Variants in HMCN2 observed in about 807,000 individuals in gnomAD.
HMCN2 encodes the protein hemicentin-2.
Under a neutral mutation model 377.5 loss-of-function variants are expected in HMCN2, and 325 were observed. The observed-to-expected ratio is 0.86, with a 90% CI of 0.79 to 0.94. HMCN2 has a LOEUF of 0.94. HMCN2 is among the 40% of genes least tolerant of loss of function. The pLI is 0.00. For missense variants in HMCN2, 4,543 were observed against 4,725.3 expected, an observed-to-expected ratio of 0.96 and a Z score of 1.13; for synonymous variants, 2,007 against 2,046.8, an observed-to-expected ratio of 0.98 and a Z score of 0.53.
intron 36 of HMCN2, 40 bp from the exon 37 acceptor site, chr9:130,359,279 T>C (rs1840227810): frequency 8.7e-7 from 1 of 1,153,058 alleles, no homozygotes; most frequent in Admixed American, 2.3e-5. Context: ...TGCCCAGAGC[T>C]TGCACCTACC....
Position 130,306,720 on chromosome 9 carries a change from C to T in HMCN2, c.1959-91C>T, listed in dbSNP as rs116725521. The T allele has an allele frequency of 5.9e-3, 2,452 of 414,970 alleles. 40 individuals are homozygous for T. The highest frequency in any genetic ancestry group is 0.046 in the African/African-American group (2,273 of 49,134). The allele number at this position is 414,970 out of a possible 1,614,324, so 25.7% of individuals were successfully genotyped here. ...CAAGCCATCAGTACAGAATGGTCGT[C>T]GCTAGTGGCATTGTTAGTGAATTTG... On this transcript the variant is annotated intron_variant, in intron 12 of 97. Coordinates refer to ENST00000683500, the MANE Select transcript of HMCN2 (RefSeq NM_001291815.2).
rs1844658827 is a variant in HMCN2, at chr9:130,430,310, A to G, written c.14353A>G (p.Lys4785Glu). The change falls in exon 95 of 98, where the codon AAG becomes GAG. Residue 4785 changes from lysine to glutamate, a missense_variant. Physicochemically the swap from Lys to Glu is moderately conservative, Grantham distance 56 (BLOSUM62 1). This residue lies in a region of HMCN2 where 1,155 missense variants were observed against 1,157.7 expected (regional missense o/e 1.00). Coordinates refer to ENST00000683500, the MANE Select transcript of HMCN2 (RefSeq NM_001291815.2). The stretch of plus-strand genomic sequence containing the variant: ...TGTCAATGAGTGCCTGCAGCTGCCC[A>G]AGGCCTGCGCCTACCAGTGCCACAA... ...LDVNECLQLP[K>E]ACAYQCHNLQ... The G allele has an allele frequency of 1.9e-6, 3 of 1,543,008 alleles. No homozygotes were observed. The highest frequency in any genetic ancestry group is 2.6e-6 in the Non-Finnish European group (3 of 1,146,632).
chr9:130,334,204 G>A (rs1425642096), intron 22 of HMCN2, among the ~76,000 whole-genome samples: 1 of 152,222 alleles, frequency 6.6e-6, no homozygotes, highest in Non-Finnish European at 1.5e-5. Context: ...GAGGAACGGT[G>A]GTCCAGTGCC....
rs370781496 is a variant in HMCN2, at chr9:130,370,966, C to T, written c.7072C>T (p.Pro2358Ser). ...TGTGGCTTCTTCTTTGTGTCCAGTGCCCCCAGAGCTCATTGGAGACTTGGA... is the reference window on the plus strand; with the variant it reads ...TGTGGCTTCTTCTTTGTGTCCAGTGTCCCCAGAGCTCATTGGAGACTTGGA... Reference protein sequence around the residue: ...ERKFELSVLVPPELIGDLDPL... With the variant: ...ERKFELSVLVSPELIGDLDPL... Residue 2358 changes from proline (P) to serine (S), a missense_variant and splice_region_variant, in exon 46 of 98, where the codon CCC becomes TCC. Physicochemically the swap from Pro to Ser is moderately conservative, Grantham distance 74 (BLOSUM62 -1). Transcript: ENST00000683500. The T allele has an allele frequency of 1.2e-3, 1,155 of 986,074 alleles. 43 individuals carry two copies. In the South Asian group the frequency reaches 0.049, roughly 42 times the overall value. The allele number at this position is 986,074 out of a possible 1,614,324, so 61.1% of individuals were successfully genotyped here.
chr9:130,316,509 C>G (rs1189819882), intron 15 of HMCN2, among the ~76,000 whole-genome samples: 22 of 152,224 alleles, frequency 1.4e-4, no homozygotes, highest in African/African-American at 5.3e-4. Flanking sequence ...GGTGGCAGGC[C>G]CCTTTCACCA....
intron 95 of HMCN2, 23 bp from the exon 96 acceptor site, chr9:130,431,344 C>T (rs1297872349): frequency 2.0e-6 from 3 of 1,537,596 alleles, no homozygotes; most frequent in Non-Finnish European, 2.6e-6. Context: ...CCCCCACCTG[C>T]CCCACCCCCA....
chr9:130,427,460 C>T, intron 91 of HMCN2, 37 bp from the exon 92 acceptor site: 1 of 1,550,308 alleles, frequency 6.5e-7, no homozygotes, highest in Non-Finnish European at 8.7e-7. Context: ...GCAGGAGGGC[C>T]TGGGAGCGGA....
At chr9:130,389,438 T>C (rs1338620482) in intron 62 of HMCN2, among the ~76,000 whole-genome samples, 1 of 152,146 alleles carries the variant, frequency 6.6e-6, no homozygotes, top group Non-Finnish European at 1.5e-5. Context: ...ACAAATCTGC[T>C]TTCTGTCTCT....
rs1397971725 is a variant in HMCN2, at chr9:130,360,034, A to G, written c.5774-394A>G. Among the ~76,000 whole-genome samples, 3 of 151,892 alleles carry G rather than the reference A, an allele frequency of 2.0e-5. No individual in the cohort carries two copies. The highest frequency in any genetic ancestry group is 4.4e-5 in the Non-Finnish European group (3 of 67,950). ...CATGTTCTCTAATGCCCCCTAGGGG[A>G]CGGGGTCTTCTGGTAGGGGGAGGGC... On this transcript the variant is annotated intron_variant, in intron 37 of 97. Coordinates refer to ENST00000683500, the MANE Select transcript of HMCN2 (RefSeq NM_001291815.2). This position sits in a 1 kb window ranked among gnomAD's most constrained non-coding sequence, Gnocchi z 4.7.
intron 1 of HMCN2, among the ~76,000 whole-genome samples, chr9:130,268,492 G>T (rs1474363449): frequency 1.3e-5 from 2 of 149,208 alleles, no homozygotes; most frequent in Non-Finnish European, 3.0e-5. Context: ...AGCCCTCTGG[G>T]ACAGGCCAGG....
chr9:130,431,548 G>A lies in HMCN2; in HGVS notation c.14767+62G>A, dbSNP rs370240514. On this transcript the variant is annotated intron_variant, in intron 96 of 97. Coordinates refer to ENST00000683500, the MANE Select transcript of HMCN2 (RefSeq NM_001291815.2). ...GGGCTAGGGCAGGCAGCGTGGGATG[G>A]GACATGTGGCATCTTACCTACTCCG... The A allele has an allele frequency of 2.6e-6, 4 of 1,524,460 alleles. No homozygotes were observed. In the African/African-American group the frequency reaches 4.1e-5, roughly 16 times the overall value. 94.4% of individuals were successfully genotyped at this position (1,524,460 alleles called of 1,614,324 possible).
intron 1 of HMCN2, among the ~76,000 whole-genome samples, chr9:130,268,411 A>G (rs1224326661): frequency 6.7e-6 from 1 of 150,122 alleles, no homozygotes; most frequent in Non-Finnish European, 1.5e-5. Context: ...AGCACCATGG[A>G]GCCCTTGATC....
At chr9:130,292,969 T>TCTATCTATCTATCTAC (rs1835869658) in intron 4 of HMCN2, among the ~76,000 whole-genome samples, 1 of 127,918 alleles carries the variant, frequency 7.8e-6, no homozygotes, top group Admixed American at 8.4e-5. Flanking sequence ...TATCTATCTA[T>TCTATCTATCTATCTAC]CTATCTATCT....
rs1842431023 is a variant in HMCN2, at chr9:130,393,324, G to C, written c.10234+15G>C. On this transcript the variant is annotated intron_variant, in intron 67 of 97. Transcript: ENST00000683500. This position sits in a 1 kb window ranked among gnomAD's most constrained non-coding sequence, Gnocchi z 5.2. ...GCAGGTGCAGGGTATGGAGCAGGGG[G>C]TGGGGCAAGGGGGTCTCTGGCCTTG... The C allele has an allele frequency of 9.1e-6, 9 of 990,546 alleles. No individual in the cohort carries two copies. Among genetic ancestry groups the C allele is most frequent in the Non-Finnish European group, 1.1e-5 (9 of 831,450 alleles). The allele number at this position is 990,546 out of a possible 1,614,324, so 61.4% of individuals were successfully genotyped here. A position where few individuals can be genotyped will look rare whatever the true frequency, so the allele number is the denominator to read the frequency against.
intron 4 of HMCN2, among the ~76,000 whole-genome samples, 167 bp downstream of exon 4, chr9:130,286,477 A>C (rs1362327680): frequency 6.6e-6 from 1 of 152,224 alleles, no homozygotes; most frequent in Non-Finnish European, 1.5e-5. Context: ...CAGGCACAGG[A>C]CGCGCTGTGC....
chr9:130,409,779 G>A lies in HMCN2; in HGVS notation c.12880-792G>A, dbSNP rs191719818. 2.0e-3 allele frequency among the ~76,000 whole-genome samples: 302 copies of A among 152,318 alleles called. 3 individuals are homozygous for A. Among genetic ancestry groups the A allele is most frequent in the Non-Finnish European group, 3.0e-3 (205 of 68,024 alleles). The stretch of plus-strand genomic sequence containing the variant: ...ATGGGCTGAGGGCAGTAAGCAGTGG[G>A]GCTGGGATTCAGTCCCATGTTGGTC... On this transcript the variant is annotated intron_variant, in intron 84 of 97. Transcript: ENST00000683500.
At position 130,429,537 on chromosome 9, in the gene HMCN2, A is replaced by T; in HGVS notation, c.14198-20A>T. On this transcript the variant is annotated intron_variant, in intron 93 of 97. Coordinates refer to ENST00000683500, the MANE Select transcript of HMCN2 (RefSeq NM_001291815.2). ...CCTGGGCTAGACCTCCCCACCACCGACCATGCCCCTGCCTCCCAGATGTGG... is the reference window on the plus strand; with the variant it reads ...CCTGGGCTAGACCTCCCCACCACCGTCCATGCCCCTGCCTCCCAGATGTGG... 1 of 1,550,048 alleles carries T rather than the reference A, an allele frequency of 6.5e-7. No individual in the cohort carries two copies. The highest frequency in any genetic ancestry group is 8.7e-7 in the Non-Finnish European group (1 of 1,146,726).
intron 1 of HMCN2, among the ~76,000 whole-genome samples, chr9:130,273,073 A>T (rs534425885): frequency 6.6e-6 from 1 of 151,796 alleles, no homozygotes; most frequent in East Asian, 1.9e-4. Context: ...TTCTGTTCAC[A>T]TTTATTTCTT....
intron 77 of HMCN2, among the ~76,000 whole-genome samples, chr9:130,402,586 C>T (rs117504914): frequency 2.6e-5 from 4 of 152,320 alleles, no homozygotes; most frequent in East Asian, 3.9e-4. Flanking sequence ...GGAAGGAACT[C>T]GCCCATGTCT....
Sources: allele counts gnomAD v4.1 joint callset (sites outside exome capture counted in the v4.1 genomes callset), GRCh38; gene constraint gnomAD v4.1.1; regional missense constraint gnomAD v4.1.1; non-coding constraint Gnocchi (gnomAD v3.1); transcripts MANE v1.5; gene names NCBI Gene and HGNC (gene_info 2026-07-23, HGNC 2026-07-21).